Variants in MCTP1 observed in about 807,000 individuals in gnomAD.
MCTP1 encodes multiple C2 and transmembrane domain-containing protein 1.
A neutral mutation model predicts 120.6 loss-of-function variants in MCTP1; 69 were observed. The ratio of observed to expected loss-of-function variants is 0.57; its 90% confidence interval spans 0.47 to 0.70. MCTP1 has a LOEUF of 0.70. MCTP1 is among the 30% of genes least tolerant of loss of function. The pLI is 0.00. For synonymous variants in MCTP1, 529 were observed against 493.1 expected (o/e 1.07, Z -0.96); for missense variants, 1,203 against 1,248.8 (o/e 0.96, Z 0.55).
chr5:94,914,576 C>G (rs1305496043), intron 8 of MCTP1, among the ~76,000 whole-genome samples: 2 of 152,222 alleles, frequency 1.3e-5, no homozygotes, highest in Non-Finnish European at 2.9e-5. Context: ...ACATTTTGAA[C>G]TTTGCCTGGT....
chr5:95,228,798 C>T (rs1007112287), intron 1 of MCTP1, among the ~76,000 whole-genome samples: 2 of 152,112 alleles, frequency 1.3e-5, no homozygotes, highest in Admixed American at 1.3e-4. Context: ...TAGCACCTCC[C>T]CGCAACTCTC....
intron 17 of MCTP1, 76 bp downstream of exon 17, chr5:94,868,257 C>T: frequency 7.3e-7 from 1 of 1,372,974 alleles, no homozygotes; most frequent in Non-Finnish European, 9.6e-7. Context: ...ATAACTGTTA[C>T]TATAGCCACA....
chr5:95,171,195 T>A (rs1281185027), intron 1 of MCTP1, among the ~76,000 whole-genome samples: 5 of 152,198 alleles, frequency 3.3e-5, no homozygotes, highest in Non-Finnish European at 7.3e-5. Context: ...GATATGAGAT[T>A]CTGGGTTGAA....
intron 1 of MCTP1, among the ~76,000 whole-genome samples, chr5:95,239,237 A>T (rs900444858): frequency 9.8e-5 from 15 of 152,300 alleles, no homozygotes; most frequent in African/African-American, 3.6e-4. Context: ...CAGAATAGGC[A>T]GTCTTAAATC....
chr5:95,080,763 A>G (rs1754746590), intron 1 of MCTP1, among the ~76,000 whole-genome samples: 1 of 152,148 alleles, frequency 6.6e-6, no homozygotes, highest in Non-Finnish European at 1.5e-5. Flanking sequence ...TTCATTCTCT[A>G]TCCACAGGTT....
At chr5:94,746,870 T>A (rs1767022212) in intron 19 of MCTP1, among the ~76,000 whole-genome samples, 1 of 152,192 alleles carries the variant, frequency 6.6e-6, no homozygotes, top group Non-Finnish European at 1.5e-5. Flanking sequence ...AACTCTTGCG[T>A]CAGTATATTT....
chr5:95,217,483 GC>G (rs1433700864), intron 1 of MCTP1, among the ~76,000 whole-genome samples: 3 of 152,170 alleles, frequency 2.0e-5, no homozygotes, highest in Admixed American at 6.5e-5. Context: ...GTAGTGGGAG[GC>G]TTTTAGTAAA....
At chr5:94,956,849 G>T (rs2153545686) in intron 2 of MCTP1, among the ~76,000 whole-genome samples, 1 of 152,088 alleles carries the variant, frequency 6.6e-6, no homozygotes, top group South Asian at 2.1e-4. Flanking sequence ...TACACTTCAG[G>T]ATATCCAGGA....
intron 1 of MCTP1, among the ~76,000 whole-genome samples, chr5:95,050,806 G>A (rs1451831691): frequency 6.6e-6 from 1 of 152,170 alleles, no homozygotes; most frequent in African/African-American, 2.4e-5. Context: ...TGGAAACAGT[G>A]TTGTTGTATA....
At chr5:94,760,323 T>C (rs1771032112) in intron 19 of MCTP1, among the ~76,000 whole-genome samples, 1 of 152,226 alleles carries the variant, frequency 6.6e-6, no homozygotes, top group Admixed American at 6.5e-5. Context: ...CTTGTTTGAC[T>C]ACTCCAGGCA....
chr5:94,967,859 CTTTGT>C (rs1825973699), intron 2 of MCTP1, among the ~76,000 whole-genome samples: 1 of 152,184 alleles, frequency 6.6e-6, no homozygotes, highest in Admixed American at 6.5e-5. Flanking sequence ...ATTTTCTCTG[CTTTGT>C]TTTGACTTCA....
At chr5:95,090,159 G>T (rs978519537) in intron 1 of MCTP1, among the ~76,000 whole-genome samples, 15 of 152,090 alleles carry the variant, frequency 9.9e-5, no homozygotes, top group African/African-American at 3.6e-4. Flanking sequence ...GACAACCTAG[G>T]CATAAATTAT....
intron 2 of MCTP1, among the ~76,000 whole-genome samples, chr5:94,978,783 A>G (rs998896063): frequency 6.6e-6 from 1 of 152,100 alleles, no homozygotes; most frequent in Non-Finnish European, 1.5e-5. Context: ...CTGCTGTACA[A>G]CATTGCTCCT....
chr5:95,284,214 A>G lies in MCTP1; in HGVS notation c.362T>C (p.Leu121Pro), dbSNP rs1760567137. 4 of 1,575,592 alleles carry G rather than the reference A, an allele frequency of 2.5e-6. No homozygotes were observed. Among genetic ancestry groups the G allele is most frequent in the Non-Finnish European group, 8.6e-7 (1 of 1,166,436 alleles). The change falls in exon 1 of 23, where the codon CTA (leucine) becomes CCA (proline). Residue 121 changes from leucine to proline, a missense_variant. Physicochemically the swap from Leu to Pro is moderately conservative, Grantham distance 98. Transcript: ENST00000515393. This position sits in a 1 kb window ranked among gnomAD's most constrained non-coding sequence, Gnocchi z 5.2. ...CAAATGCTCGCGGATCCGGCGGCGT[A>G]GCGTGGACCCCTGCTCGGCTCTGCC... ...GAGRAEQGST[L>P]RRRIREHLLP...
At chr5:94,976,277 CCT>C (rs1361619591) in intron 2 of MCTP1, among the ~76,000 whole-genome samples, 1 of 151,990 alleles carries the variant, frequency 6.6e-6, no homozygotes, top group African/African-American at 2.4e-5. Context: ...ATGGCAAAAC[CCT>C]GTCTCTACTA....
At chr5:95,128,659 G>A (rs1758806232) in intron 1 of MCTP1, among the ~76,000 whole-genome samples, 1 of 152,202 alleles carries the variant, frequency 6.6e-6, no homozygotes, top group Non-Finnish European at 1.5e-5. Context: ...GGTTGCTTAG[G>A]ACTGGGGAAG....
At position 94,940,154 on chromosome 5, in the gene MCTP1, G is replaced by A; in HGVS notation, c.1103C>T (p.Pro368Leu). The A allele has an allele frequency of 6.2e-7, 1 of 1,608,440 alleles. No individual in the cohort carries two copies. The highest frequency in any genetic ancestry group is 1.3e-5 in the African/African-American group (1 of 74,828). Reference sequence around the variant, plus strand: ...CAAAATGATTCCAAGATCATGGTCAGGATAATGAGGATCTTTCAGAGTAAG... The same window carrying A: ...CAAAATGATTCCAAGATCATGGTCAAGATAATGAGGATCTTTCAGAGTAAG... The part of the protein sequence containing the change: ...VTLTLKDPHY[P>L]DHDLGIILLS... The change falls in exon 5 of 23, where the codon CCT (proline) becomes CTT (leucine). Residue 368 changes from proline to leucine, a missense_variant. By Grantham distance (98) the Pro-to-Leu change is moderately conservative. This residue lies in a region of MCTP1 where 740 missense variants were observed against 871.1 expected (regional missense o/e 0.85). Transcript: ENST00000515393.
At chr5:94,790,396 T>C (rs1778646133) in intron 18 of MCTP1, among the ~76,000 whole-genome samples, 2 of 152,214 alleles carry the variant, frequency 1.3e-5, no homozygotes, top group South Asian at 4.1e-4. Flanking sequence ...TTAAGGTCCA[T>C]GGATGTTATC....
intron 1 of MCTP1, among the ~76,000 whole-genome samples, chr5:95,164,499 A>G (rs1176421841): frequency 1.3e-5 from 2 of 152,158 alleles, no homozygotes; most frequent in Admixed American, 1.3e-4. Context: ...TATGTCACCA[A>G]TTTTTAAATT....
Sources: allele counts gnomAD v4.1 joint callset (sites outside exome capture counted in the v4.1 genomes callset), GRCh38; gene constraint gnomAD v4.1.1; regional missense constraint gnomAD v4.1.1; non-coding constraint Gnocchi (gnomAD v3.1); transcripts MANE v1.5; gene names NCBI Gene and HGNC (gene_info 2026-07-23, HGNC 2026-07-21).